Variants in MTF1 observed in about 807,000 individuals in gnomAD.
The protein encoded by MTF1 is MRE-binding transcription factor.
A neutral mutation model predicts 70.4 loss-of-function variants in MTF1; 22 were observed. The ratio of observed to expected loss-of-function variants is 0.31; its 90% CI spans 0.22 to 0.45. The LOEUF (loss-of-function observed/expected upper bound fraction) is 0.45, where lower values mean the gene tolerates loss of function less well. Among genes scored for constraint, MTF1 ranks in the 20% least tolerant of loss-of-function variants. The pLI, the probability that MTF1 is intolerant of heterozygous loss-of-function variation, is 1.00. For missense variants in MTF1, 649 were observed against 922.0 expected (o/e 0.70, Z 3.83); for synonymous variants, 333 against 352.8 (o/e 0.94, Z 0.63).
In MTF1 at chr1:37,840,136, A is replaced by G; in HGVS notation, c.431T>C (p.Phe144Ser). 1 of 1,614,138 alleles carries G rather than the reference A, an allele frequency of 6.2e-7. No individual in the cohort carries two copies. Among genetic ancestry groups the G allele is most frequent in the Non-Finnish European group, 8.5e-7 (1 of 1,180,046 alleles). ...GCTGTAGGTGCGGGGACAGCCCTCA[A>G]AGGTACATTGGTACCGCTTTACCTG... ...RKEVKRYQCT[F>S]EGCPRTYSTA... The change falls in exon 3 of 11, where the codon TTT becomes TCT. Residue 144 changes from phenylalanine to serine, a missense_variant. This residue lies in a region of MTF1 where 118 missense variants were observed against 287.2 expected (regional missense o/e 0.41). Coordinates refer to ENST00000373036, the MANE Select transcript of MTF1 (RefSeq NM_005955.3). This position sits in a 1 kb window ranked among gnomAD's most constrained non-coding sequence, Gnocchi z 4.5.
intron 7 of MTF1, among the ~76,000 whole-genome samples, chr1:37,829,295 AT>A (rs886427655): frequency 4.6e-5 from 7 of 151,816 alleles, no homozygotes; most frequent in African/African-American, 9.7e-5. Flanking sequence ...ATTAAAAAAA[AT>A]ATTTTTATTA....
chr1:37,822,054 GCTT>G, intron 9 of MTF1, 64 bp downstream of exon 9: 5 of 1,298,036 alleles, frequency 3.9e-6, no homozygotes, highest in Non-Finnish European at 5.3e-6. Context: ...TGAAGTAAAA[GCTT>G]CTGAACATGT....
At chr1:37,835,791 C>A in intron 4 of MTF1, 47 bp from the exon 5 acceptor site, 4 of 1,445,512 alleles carry the variant, frequency 2.8e-6, no homozygotes, top group Non-Finnish European at 2.9e-6. Flanking sequence ...GCTAATAGAT[C>A]TTTATCCTGA....
At chr1:37,838,480 G>T in intron 4 of MTF1, 145 bp downstream of exon 4, 1 of 532,296 alleles carries the variant, frequency 1.9e-6, no homozygotes, top group Non-Finnish European at 3.2e-6. Flanking sequence ...TGCAGTGGTT[G>T]GTTATAGCTG....
At position 37,830,836 on chromosome 1, in the gene MTF1, G is replaced by A. The variant is rs115302146; in HGVS notation, c.1068+1409C>T. Among the ~76,000 whole-genome samples the A allele has an allele frequency of 3.9e-3, 587 of 152,290 alleles. 4 individuals carry two copies. Among genetic ancestry groups the A allele is most frequent in the African/African-American group, 0.012 (503 of 41,560 alleles). ...CTTAGAGTCTATCCCACACATCCAT[G>A]GCGCAGGGGTCAGCCAGAGATTCGG... On this transcript the variant is annotated intron_variant, in intron 7 of 10. Coordinates refer to ENST00000373036, the MANE Select transcript of MTF1 (RefSeq NM_005955.3).
At chr1:37,820,049 G>A (rs1053499692) in intron 9 of MTF1, among the ~76,000 whole-genome samples, 2 of 149,840 alleles carry the variant, frequency 1.3e-5, no homozygotes, top group Non-Finnish European at 3.0e-5. Flanking sequence ...AGCACCCCAG[G>A]ACAGGGCCAG....
At chr1:37,821,751 C>T (rs184224692) in intron 9 of MTF1, among the ~76,000 whole-genome samples, 12 of 152,330 alleles carry the variant, frequency 7.9e-5, no homozygotes, top group African/African-American at 2.9e-4. Context: ...GACTGGGTCA[C>T]ATCAGTCCCT....
rs1641244701 is a variant in MTF1 at position 37,840,866 on chromosome 1, C to T, written c.409-708G>A. 4.2e-6 allele frequency: 1 copy of T among 237,014 alleles called. No individual in the cohort carries two copies. Among genetic ancestry groups the T allele is most frequent in the South Asian group, 4.5e-5 (1 of 22,146 alleles). 14.7% of individuals were successfully genotyped at this position (237,014 alleles called of 1,614,324 possible). A position where few individuals can be genotyped will look rare whatever the true frequency, so the allele number is the denominator to read the frequency against. ...CAGTGGAGGGCCTGGAATGGGAGGC[C>T]CAGCAGCTTCCTCAGAGACTTTGGC... On this transcript the variant is annotated intron_variant, in intron 2 of 10. Transcript: ENST00000373036. The surrounding 1 kb of genome is among the most constrained non-coding windows in gnomAD (Gnocchi z 4.5).
rs1375257687 is a variant in MTF1 at position 37,854,902 on chromosome 1, A to T, written c.408+2349T>A. ...TGGAGAAACCCTGTCTCTACTAAAAATACAAAATTAGCTGGGTGTGGTAGC... is the reference window on the plus strand; with the variant it reads ...TGGAGAAACCCTGTCTCTACTAAAATTACAAAATTAGCTGGGTGTGGTAGC... On this transcript the variant is annotated intron_variant, in intron 2 of 10. Coordinates refer to ENST00000373036, the MANE Select transcript of MTF1 (RefSeq NM_005955.3). 2.0e-5 allele frequency among the ~76,000 whole-genome samples: 3 copies of T among 152,176 alleles called. No homozygotes were observed. The East Asian group carries it at 5.8e-4, about 29-fold the overall frequency.
At chr1:37,852,921 G>C (rs903045140) in intron 2 of MTF1, among the ~76,000 whole-genome samples, 1 of 152,184 alleles carries the variant, frequency 6.6e-6, no homozygotes, top group African/African-American at 2.4e-5. Flanking sequence ...ATGAGCCACT[G>C]TGCCTGGCCT....
At chr1:37,836,906 T>G (rs532863108) in intron 4 of MTF1, among the ~76,000 whole-genome samples, 3 of 143,276 alleles carry the variant, frequency 2.1e-5, no homozygotes, top group Non-Finnish European at 4.5e-5. Flanking sequence ...TGTGACTGGA[T>G]AGAAATCAGA....
intron 2 of MTF1, among the ~76,000 whole-genome samples, chr1:37,844,820 C>T (rs983820569): frequency 9.2e-5 from 14 of 152,178 alleles, no homozygotes; most frequent in Non-Finnish European, 2.1e-4. Context: ...ATGACCCTTC[C>T]TCTAGGAACT....
chr1:37,858,549 G>A (rs1569896214), intron 1 of MTF1: 1 of 152,288 alleles, frequency 6.6e-6, no homozygotes, highest in East Asian at 1.9e-4. Context: ...CACAAACAAC[G>A]AAGATCACTG....
intron 2 of MTF1, 93 bp downstream of exon 2, chr1:37,857,158 C>T (rs1414154739): frequency 7.9e-6 from 10 of 1,261,524 alleles, no homozygotes; most frequent in African/African-American, 1.5e-5. Context: ...TAACCCCATG[C>T]ACTCCTTTAC....
intron 2 of MTF1, among the ~76,000 whole-genome samples, chr1:37,842,759 A>G (rs1472138482): frequency 3.3e-5 from 5 of 152,172 alleles, no homozygotes; most frequent in Non-Finnish European, 5.9e-5. Context: ...ACCAAGAACA[A>G]TGATGTCACC....
At chr1:37,822,961 C>T (rs938453386) in intron 8 of MTF1, among the ~76,000 whole-genome samples, 1 of 152,166 alleles carries the variant, frequency 6.6e-6, no homozygotes, top group East Asian at 1.9e-4. Flanking sequence ...AAAAAAGTGT[C>T]TTAAGGCTTT....
intron 2 of MTF1, among the ~76,000 whole-genome samples, chr1:37,844,972 C>T (rs1641312262): frequency 6.6e-6 from 1 of 152,180 alleles, no homozygotes; most frequent in South Asian, 2.1e-4. Flanking sequence ...TGTTTCATGG[C>T]TAGGCACAAC....
At chr1:37,819,677 C>A (rs1020537968) in intron 9 of MTF1, among the ~76,000 whole-genome samples, 1 of 151,716 alleles carries the variant, frequency 6.6e-6, no homozygotes, top group African/African-American at 2.4e-5. Flanking sequence ...GGAGGCTGGG[C>A]GTGGTGGCTC....
Position 37,843,660 on chromosome 1 carries a change from C to G in MTF1, c.409-3502G>C, listed in dbSNP as rs914051331. ...GTTTCAAAAACGTTACTTATGGACA[C>G]TAAAATTTGAATTTCATATACCATG... On this transcript the variant is annotated intron_variant, in intron 2 of 10. Coordinates refer to ENST00000373036, the MANE Select transcript of MTF1 (RefSeq NM_005955.3). Among the ~76,000 whole-genome samples the G allele has an allele frequency of 5.3e-5, 8 of 152,144 alleles. No individual in the cohort carries two copies. The South Asian group carries it at 1.4e-3, about 28-fold the overall frequency.
Sources: gnomAD v4.1 joint callset for allele counts (sites outside exome capture counted in the v4.1 genomes callset) on GRCh38, gnomAD v4.1.1 for gene constraint, gnomAD v4.1.1 regional missense constraint, Gnocchi (gnomAD v3.1) non-coding constraint, MANE v1.5 for transcripts, NCBI Gene and HGNC (gene_info 2026-07-23, HGNC 2026-07-21) for gene names.